Variants in COL5A3 observed in about 807,000 individuals in gnomAD.
COL5A3 encodes the protein collagen alpha-3(V) chain.
COL5A3 carries 172 observed loss-of-function variants against 250.0 expected under a neutral mutation model. That is an observed-to-expected ratio of 0.69 (90% CI 0.61 to 0.78). The LOEUF is 0.78. Among genes scored for constraint, COL5A3 ranks in the 30% least tolerant of loss-of-function variants. The probability of loss-of-function intolerance (pLI) is 0.00; values close to 1 mark genes in which losing one functional copy is unlikely to be tolerated. For missense variants in COL5A3, 2,340 were observed against 2,334.4 expected (o/e 1.00, Z -0.05); for synonymous variants, 937 against 900.4 (o/e 1.04, Z -0.73).
chr19:10,000,452 CTTTTTT>C (rs576119335), intron 8 of COL5A3, among the ~76,000 whole-genome samples: 16,088 of 61,682 alleles, frequency 0.26, 1,645 homozygotes, highest in Non-Finnish European at 0.31. Flanking sequence ...CCAGAGAGCT[CTTTTTT>C]TTTTTTTTTT....
chr19:9,967,405 A>G lies in COL5A3; in HGVS notation c.4405-5T>C. On this transcript the variant is annotated splice_region_variant and splice_polypyrimidine_tract_variant and intron_variant, in intron 61 of 66. Transcript: ENST00000264828. ...TCCACGGGGGCCCATGGACCCCTGT[A>G]GGGAGAAGTCACTTGGAGAATGAAC... is the stretch of plus-strand genomic sequence containing the variant. 6.7e-7 allele frequency: 1 copy of G among 1,499,956 alleles called. No homozygotes were observed. Among genetic ancestry groups the G allele is most frequent in the Non-Finnish European group, 8.8e-7 (1 of 1,132,962 alleles). The allele number at this position is 1,499,956 out of a possible 1,614,324, so 92.9% of individuals were successfully genotyped here. A position where few individuals can be genotyped will look rare whatever the true frequency, so the allele number is the denominator to read the frequency against.
intron 5 of COL5A3, 46 bp from the exon 6 acceptor site, chr19:10,003,760 G>C: frequency 6.2e-7 from 1 of 1,608,458 alleles, no homozygotes; most frequent in Admixed American, 1.7e-5. Context: ...CACCAGCAGA[G>C]ACCCCATCAT....
At chr19:9,981,506 A>G (rs11669376) in intron 32 of COL5A3, among the ~76,000 whole-genome samples, 8,971 of 152,248 alleles carry the variant, frequency 0.059, 417 homozygotes, top group African/African-American at 0.13. Context: ...ACACATGTAT[A>G]CCCACTGTAA....
intron 11 of COL5A3, 27 bp downstream of exon 11, chr19:9,997,344 G>T (rs767747579): frequency 6.4e-7 from 1 of 1,572,258 alleles, no homozygotes; most frequent in Admixed American, 1.7e-5. Flanking sequence ...CCTCTGAGAA[G>T]TGTACACCCC....
Position 9,975,563 on chromosome 19 carries a change from C to A in COL5A3, c.3342+995G>T, listed in dbSNP as rs562823674. ...CATGAGGTTGAGATTGAACCAGATTCTGGGGTTGAGTCCATATTGGATGTT... is the reference window on the plus strand; with the variant it reads ...CATGAGGTTGAGATTGAACCAGATTATGGGGTTGAGTCCATATTGGATGTT... On this transcript the variant is annotated intron_variant, in intron 45 of 66. Transcript: ENST00000264828. Among the ~76,000 whole-genome samples, 3 of 152,260 alleles carry A rather than the reference C, an allele frequency of 2.0e-5. No individual in the cohort carries two copies. In the East Asian group the frequency reaches 5.8e-4, roughly 29 times the overall value.
At position 9,968,017 on chromosome 19, in the gene COL5A3, C is replaced by A. The variant is rs769369864; in HGVS notation, c.4368+9G>T. 3.8e-5 allele frequency: 60 copies of A among 1,594,266 alleles called. No individual in the cohort carries two copies. The highest frequency in any genetic ancestry group is 4.9e-5 in the Non-Finnish European group (58 of 1,174,132). On this transcript the variant is annotated intron_variant, in intron 60 of 66. Coordinates refer to ENST00000264828, the MANE Select transcript of COL5A3 (RefSeq NM_015719.4). This position sits in a 1 kb window ranked among gnomAD's most constrained non-coding sequence, Gnocchi z 4.1. ...ACCTCATCCCACAAAAGATTCCCTGCATACTCACCGCCACACCTGGGGGCC... is the reference window on the plus strand; with the variant it reads ...ACCTCATCCCACAAAAGATTCCCTGAATACTCACCGCCACACCTGGGGGCC...
At position 9,977,400 on chromosome 19, in the gene COL5A3, C is replaced by T; in HGVS notation, c.3199G>A (p.Gly1067Arg). The change falls in exon 43 of 67, where the codon GGA becomes AGA. Residue 1067 changes from glycine to arginine, a missense_variant. This residue lies in a region of COL5A3 where 1,179 missense variants were observed against 1,162.6 expected (regional missense o/e 1.01). Coordinates refer to ENST00000264828, the MANE Select transcript of COL5A3 (RefSeq NM_015719.4). ...PGPLGPLGPP[G>R]AAGPSGEEGD... Reference sequence around the variant, plus strand: ...TCCTCGCCAGAAGGCCCAGCAGCTCCAGGGGGTCCCAGAGGCCCCAGGGGC... The same window carrying T: ...TCCTCGCCAGAAGGCCCAGCAGCTCTAGGGGGTCCCAGAGGCCCCAGGGGC... 1 of 1,555,002 alleles carries T rather than the reference C, an allele frequency of 6.4e-7. No individual in the cohort carries two copies. Among genetic ancestry groups the T allele is most frequent in the Non-Finnish European group, 8.7e-7 (1 of 1,150,320 alleles).
intron 45 of COL5A3, among the ~76,000 whole-genome samples, chr19:9,975,596 AG>A (rs2086907978): frequency 6.6e-6 from 1 of 152,180 alleles, no homozygotes; most frequent in African/African-American, 2.4e-5. Flanking sequence ...GTTGGCATTG[AG>A]GGGAAGACAT....
intron 64 of COL5A3, 97 bp from the exon 65 acceptor site, chr19:9,962,984 A>G (rs1347394622): frequency 8.0e-6 from 7 of 873,628 alleles, no homozygotes; most frequent in South Asian, 1.6e-5. Context: ...TGTTGTGACT[A>G]TGTCAGGATG....
intron 16 of COL5A3, among the ~76,000 whole-genome samples, chr19:9,995,120 T>A (rs1667291001): frequency 6.6e-6 from 1 of 151,962 alleles, no homozygotes; most frequent in Non-Finnish European, 1.5e-5. Flanking sequence ...GTTGGCCAGG[T>A]TGATCTCAAA....
intron 51 of COL5A3, among the ~76,000 whole-genome samples, chr19:9,971,800 T>G (rs1427586578): frequency 6.6e-6 from 1 of 152,154 alleles, no homozygotes; most frequent in African/African-American, 2.4e-5. Flanking sequence ...GTTAGAATGA[T>G]CTGCCGTGAA....
intron 23 of COL5A3, 44 bp from the exon 24 acceptor site, chr19:9,991,698 C>T (rs539980086): frequency 2.5e-6 from 4 of 1,608,048 alleles, no homozygotes; most frequent in Admixed American, 3.4e-5. Context: ...AAGAAAGAAG[C>T]GGTGAGTGTG....
intron 6 of COL5A3, among the ~76,000 whole-genome samples, chr19:10,002,991 A>G (rs1319065292): frequency 1.3e-5 from 2 of 152,132 alleles, no homozygotes; most frequent in Non-Finnish European, 2.9e-5. Context: ...GTTTCTATCC[A>G]TGACCTTCCA....
Position 9,967,390 on chromosome 19 carries a change from C to G in COL5A3, c.4415G>C (p.Gly1472Ala). The change falls in exon 62 of 67, where the codon GGC (glycine) becomes GCC (alanine). Residue 1472 changes from glycine (G) to alanine (A), a missense_variant. Gly to Ala is a moderately conservative substitution (Grantham distance 60). Around this residue, in one of 3 missense-constraint regions of COL5A3, gnomAD observed 1,179 missense variants for 1,162.6 expected, o/e 1.01. Coordinates refer to ENST00000264828, the MANE Select transcript of COL5A3 (RefSeq NM_015719.4). The stretch of plus-strand genomic sequence containing the variant: ...TGCAGGTCCAGTGTCTCCACGGGGG[C>G]CCATGGACCCCTGTAGGGAGAAGTC... ...KGSKGSPGSM[G>A]PRGDTGPAGP... 6.7e-7 allele frequency: 1 copy of G among 1,482,748 alleles called. No homozygotes were observed. The highest frequency in any genetic ancestry group is 3.0e-5 in the Admixed American group (1 of 33,302). The allele number at this position is 1,482,748 out of a possible 1,614,324, so 91.8% of individuals were successfully genotyped here.
rs780222617 is a variant in COL5A3 at position 9,969,873 on chromosome 19, G to C, written c.3986C>G (p.Ala1329Gly). 1 of 1,613,858 alleles carries C rather than the reference G, an allele frequency of 6.2e-7. No individual in the cohort carries two copies. The highest frequency in any genetic ancestry group is 1.3e-5 in the African/African-American group (1 of 74,970). Residue 1329 changes from alanine (A) to glycine (G), a missense_variant, in exon 55 of 67, where the codon GCC (alanine) becomes GGC (glycine). Physicochemically the swap from Ala to Gly is moderately conservative, Grantham distance 60. Transcript: ENST00000264828. The part of the protein sequence containing the change: ...GREGREGEKG[A>G]KGEPGPDGPP... ...CCCCTTGCCAGGGGGACTCACCTTGGCACCTTTCTCCCCTTCTCTGCCTTC... is the reference window on the plus strand; with the variant it reads ...CCCCTTGCCAGGGGGACTCACCTTGCCACCTTTCTCCCCTTCTCTGCCTTC...
intron 8 of COL5A3, among the ~76,000 whole-genome samples, chr19:9,999,244 G>A (rs1259193671): frequency 1.4e-5 from 2 of 147,702 alleles, no homozygotes; most frequent in Non-Finnish European, 3.0e-5. Flanking sequence ...AGGCTAGAAT[G>A]CAGGGGTACA....
Position 10,005,849 on chromosome 19 carries a change from G to A in COL5A3, c.384C>T (p.Leu128=), listed in dbSNP as rs541585538. 6.2e-7 allele frequency: 1 copy of A among 1,613,626 alleles called. No homozygotes were observed. Among genetic ancestry groups the A allele is most frequent in the South Asian group, 1.1e-5 (1 of 91,070 alleles). The stretch of plus-strand genomic sequence containing the variant: ...GGAGGGGGCGGAAGGGGTCACCTAG[G>A]AGACCCAGCGCTGGCCCCAGTGCCA... ...LGLALGPALG[L]LGDPFRPLPQ... The change falls in exon 3 of 67, where the codon CTC becomes CTT. Residue 128 remains leucine, a synonymous_variant. Transcript: ENST00000264828.
chr19:9,981,976 C>A (rs940246082), intron 32 of COL5A3, 89 bp downstream of exon 32: 3 of 1,009,098 alleles, frequency 3.0e-6, no homozygotes, highest in Non-Finnish European at 4.7e-6. Flanking sequence ...ACACAAACAC[C>A]CAGGGTCCAC....
chr19:9,980,130 G>C, intron 35 of COL5A3, 83 bp from the exon 36 acceptor site: 1 of 1,337,000 alleles, frequency 7.5e-7, no homozygotes, highest in Non-Finnish European at 1.0e-6. Flanking sequence ...CAACAGGATC[G>C]AGCACATATT....
Sources: allele counts gnomAD v4.1 joint callset (sites outside exome capture counted in the v4.1 genomes callset), GRCh38; gene constraint gnomAD v4.1.1; regional missense constraint gnomAD v4.1.1; non-coding constraint Gnocchi (gnomAD v3.1); transcripts MANE v1.5; gene names NCBI Gene and HGNC (gene_info 2026-07-23, HGNC 2026-07-21).